RPTOR: variants seen among roughly 807,000 people sequenced by gnomAD.
RPTOR encodes regulatory associated protein of MTOR complex 1.
In RPTOR, 21 loss-of-function variants were observed where a neutral mutation model predicts 169.9. That is an observed-to-expected ratio of 0.12 (90% CI 0.09 to 0.18). The LOEUF is 0.18. Ranked by LOEUF, RPTOR falls within the 10% of genes least tolerant of loss-of-function variation. The probability of loss-of-function intolerance (pLI) is 1.00; values close to 1 mark genes in which losing one functional copy is unlikely to be tolerated. For synonymous variants in RPTOR, 732 were observed against 753.2 expected, an observed-to-expected ratio of 0.97 and a Z score of 0.46; for missense variants, 1,133 against 1,855.9, an observed-to-expected ratio of 0.61 and a Z score of 7.16.
chr17:80,565,874 G>A lies in RPTOR; in HGVS notation c.162+20083G>A, dbSNP rs117432302. Among the ~76,000 whole-genome samples the A allele has an allele frequency of 6.4e-3, 978 of 152,366 alleles. 8 individuals carry two copies. Among genetic ancestry groups the A allele is most frequent in the Middle Eastern group, 0.017 (5 of 294 alleles). ...CCAAATTCTTTGGGTGTTAAGCGGC[G>A]AGCCAGGAGCTGCATCTAGCGCTGG... On this transcript the variant is annotated intron_variant, in intron 1 of 33. Transcript: ENST00000306801.
At chr17:80,645,144 A>G (rs1008456613) in intron 3 of RPTOR, among the ~76,000 whole-genome samples, 2 of 152,178 alleles carry the variant, frequency 1.3e-5, no homozygotes, top group East Asian at 1.9e-4. Context: ...TGTTTTCCAT[A>G]GATAATAGCT....
chr17:80,702,437 C>G, intron 3 of RPTOR, among the ~76,000 whole-genome samples: 1 of 152,138 alleles, frequency 6.6e-6, no homozygotes, highest in Non-Finnish European at 1.5e-5. Flanking sequence ...GTAACTCCCC[C>G]GGATGATCAG....
chr17:80,840,207 T>C lies in RPTOR; in HGVS notation c.1212+2210T>C, dbSNP rs550321041. 6.9e-4 allele frequency among the ~76,000 whole-genome samples: 105 copies of C among 152,278 alleles called. 1 individual carries two copies. The highest frequency in any genetic ancestry group is 1.3e-3 in the Admixed American group (20 of 15,302). Reference sequence around the variant, plus strand: ...CCGCTTTCCTGCCCAGTTTTGTGCTTGGATGCGTGGAGTCACGCAGGGTGT... The same window carrying C: ...CCGCTTTCCTGCCCAGTTTTGTGCTCGGATGCGTGGAGTCACGCAGGGTGT... On this transcript the variant is annotated intron_variant, in intron 10 of 33. Coordinates refer to ENST00000306801, the MANE Select transcript of RPTOR (RefSeq NM_020761.3).
Position 80,730,418 on chromosome 17 carries a change from TTA to T in RPTOR, c.508-139_508-138del. 1 of 885,330 alleles carries T rather than the reference TTA, an allele frequency of 1.1e-6. No homozygotes were observed. Among genetic ancestry groups the T allele is most frequent in the Non-Finnish European group, 1.7e-6 (1 of 586,480 alleles). 54.8% of individuals were successfully genotyped at this position (885,330 alleles called of 1,614,324 possible). A position where few individuals can be genotyped will look rare whatever the true frequency, so the allele number is the denominator to read the frequency against. Reference sequence around the variant, plus strand: ...TTGCGCCTGGCCAGTTTGCTGTTTTTTATAGTTTTGTATAAAGGCTAACTCAG... The same window carrying T: ...TTGCGCCTGGCCAGTTTGCTGTTTTTTAGTTTTGTATAAAGGCTAACTCAG... On this transcript the variant is annotated intron_variant, in intron 4 of 33. Transcript: ENST00000306801. This position sits in a 1 kb window ranked among gnomAD's most constrained non-coding sequence, Gnocchi z 4.2.
chr17:80,922,059 T>C (rs1023911332), intron 21 of RPTOR, among the ~76,000 whole-genome samples: 2 of 152,168 alleles, frequency 1.3e-5, no homozygotes, highest in African/African-American at 2.4e-5. Context: ...CCTGCAGTCA[T>C]TCTCTGACAG....
chr17:80,778,550 G>A (rs909794107), intron 6 of RPTOR, among the ~76,000 whole-genome samples: 2 of 152,160 alleles, frequency 1.3e-5, no homozygotes, highest in African/African-American at 2.4e-5. Flanking sequence ...GTCATTCTGC[G>A]TTTCAAGGGG....
intron 3 of RPTOR, among the ~76,000 whole-genome samples, chr17:80,663,447 A>G (rs896835295): frequency 6.7e-6 from 1 of 150,000 alleles, no homozygotes; most frequent in Non-Finnish European, 1.5e-5. Context: ...CTTTATTTAC[A>G]GTTTCCTCCA....
intron 13 of RPTOR, among the ~76,000 whole-genome samples, chr17:80,865,508 T>A (rs2067977996): frequency 6.6e-6 from 1 of 152,094 alleles, no homozygotes; most frequent in Non-Finnish European, 1.5e-5. Flanking sequence ...TATGTTAATA[T>A]CAGACAGAGG....
At chr17:80,939,307 T>G (rs1029074085) in intron 24 of RPTOR, among the ~76,000 whole-genome samples, 4 of 152,204 alleles carry the variant, frequency 2.6e-5, no homozygotes, top group African/African-American at 4.8e-5. Context: ...GGACCTCTCC[T>G]AGACGCTGAA....
rs1415861874 is a variant in RPTOR at position 80,892,814 on chromosome 17, C to T, written c.2187C>T (p.Val729=). 9.9e-6 allele frequency: 16 copies of T among 1,614,078 alleles called. No individual in the cohort carries two copies. Among genetic ancestry groups the T allele is most frequent in the Middle Eastern group, 1.6e-4 (1 of 6,084 alleles). Residue 729 remains valine (V), a synonymous_variant, in exon 19 of 34, where the codon GTC becomes GTT. Coordinates refer to ENST00000306801, the MANE Select transcript of RPTOR (RefSeq NM_020761.3). ...GCTCCTATGGAAACATCCGTGCTGTCGCCACAGCCAGGAGCCTCAACAAAT... is the reference window on the plus strand; with the variant it reads ...GCTCCTATGGAAACATCCGTGCTGTTGCCACAGCCAGGAGCCTCAACAAAT... The part of the protein sequence containing the change: ...SVSSYGNIRA[V]ATARSLNKSL...
rs779170536 is a variant in RPTOR at position 80,625,683 on chromosome 17, G to A, written c.163-8G>A. ...ATATTTATTTATTTTTTTCTGTTGT[G>A]TTTTCAGATGAAGACAGTCAGTGTT... is the stretch of plus-strand genomic sequence containing the variant. On this transcript the variant is annotated splice_region_variant and splice_polypyrimidine_tract_variant and intron_variant, in intron 1 of 33. Coordinates refer to ENST00000306801, the MANE Select transcript of RPTOR (RefSeq NM_020761.3). The A allele has an allele frequency of 3.8e-5, 60 of 1,578,580 alleles. No individual in the cohort carries two copies. The South Asian group carries it at 6.5e-4, about 17-fold the overall frequency.
chr17:80,903,083 C>T (rs144447838), intron 20 of RPTOR, among the ~76,000 whole-genome samples: 5 of 152,316 alleles, frequency 3.3e-5, no homozygotes, highest in African/African-American at 7.2e-5. Context: ...AATGAGTTAC[C>T]ATAGAAATGG....
At chr17:80,890,830 G>A (rs1012287649) in intron 17 of RPTOR, among the ~76,000 whole-genome samples, 3 of 152,120 alleles carry the variant, frequency 2.0e-5, no homozygotes, top group Admixed American at 6.5e-5. Context: ...GTGCGTAGAC[G>A]GAGAGTGGGG....
At chr17:80,873,641 G>A (rs1000487668) in intron 13 of RPTOR, among the ~76,000 whole-genome samples, 2 of 152,212 alleles carry the variant, frequency 1.3e-5, no homozygotes, top group Non-Finnish European at 2.9e-5. Context: ...GGCAGAGGGA[G>A]CTCACCACAT....
intron 6 of RPTOR, chr17:80,773,836 G>A: frequency 8.1e-6 from 8 of 985,354 alleles, no homozygotes; most frequent in Non-Finnish European, 9.6e-6. Flanking sequence ...TTGGTGCCTG[G>A]GTGTGTTCAG....
At position 80,545,405 on chromosome 17, in the gene RPTOR, G is replaced by C. The variant is rs2084261775; in HGVS notation, c.-225G>C. ...GGTGTGTGTCTGCGGAGCTTCTTGG[G>C]CTGCCCCATTTCCTAGCGGCCCCCA... On this transcript the variant is annotated 5_prime_UTR_variant, in exon 1 of 34. Coordinates refer to ENST00000306801, the MANE Select transcript of RPTOR (RefSeq NM_020761.3). 9.0e-6 allele frequency: 4 copies of C among 444,340 alleles called. No homozygotes were observed. The highest frequency in any genetic ancestry group is 3.9e-5 in the Admixed American group (1 of 25,368). The allele number at this position is 444,340 out of a possible 1,614,324, so 27.5% of individuals were successfully genotyped here. A position where few individuals can be genotyped will look rare whatever the true frequency, so the allele number is the denominator to read the frequency against.
chr17:80,800,464 C>T (rs1212790284), intron 7 of RPTOR, among the ~76,000 whole-genome samples: 1 of 152,122 alleles, frequency 6.6e-6, no homozygotes, highest in Non-Finnish European at 1.5e-5. Context: ...GAGAGAAGAT[C>T]GGGCAGTTTG....
At chr17:80,798,225 A>C (rs141686257) in intron 7 of RPTOR, among the ~76,000 whole-genome samples, 2 of 152,118 alleles carry the variant, frequency 1.3e-5, no homozygotes, top group Non-Finnish European at 2.9e-5. Flanking sequence ...CCTGTAACCA[A>C]CTTCCCTCCT....
rs542556558 is a variant in RPTOR, at chr17:80,852,875, C to T, written c.1315-2589C>T. Among the ~76,000 whole-genome samples, 11 of 152,250 alleles carry T rather than the reference C, an allele frequency of 7.2e-5. No individual in the cohort carries two copies. The South Asian group carries it at 2.1e-3, about 29-fold the overall frequency. On this transcript the variant is annotated intron_variant, in intron 11 of 33. Coordinates refer to ENST00000306801, the MANE Select transcript of RPTOR (RefSeq NM_020761.3). ...CCCAGGTGGCCGCCATCTCCTCTCC[C>T]CTCCCCCGATCCTCCACCCTCACTG...
Sources: gnomAD v4.1 joint callset for allele counts (sites outside exome capture counted in the v4.1 genomes callset) on GRCh38, gnomAD v4.1.1 for gene constraint, Gnocchi (gnomAD v3.1) non-coding constraint, MANE v1.5 for transcripts, NCBI Gene and HGNC (gene_info 2026-07-23, HGNC 2026-07-21) for gene names.